The following ATP10B variants were observed in gnomAD, a reference collection of about 807,000 sequenced individuals.
The protein encoded by ATP10B is phospholipid-transporting ATPase VB.
A neutral mutation model predicts 141.2 loss-of-function variants in ATP10B; 122 were observed. That is an observed-to-expected ratio of 0.86 (90% CI 0.75 to 1.00). The LOEUF (loss-of-function observed/expected upper bound fraction) is 1.00. Among genes scored for constraint, ATP10B ranks in the 50% least tolerant of loss-of-function variants. ATP10B has a pLI of 0.00. For synonymous variants in ATP10B, 685 were observed against 692.0 expected, an observed-to-expected ratio of 0.99 and a Z score of 0.16; for missense variants, 1,876 against 1,825.3, an observed-to-expected ratio of 1.03 and a Z score of -0.51.
intron 8 of ATP10B, 27 bp downstream of exon 8, chr5:160,649,144 T>C (rs1173419983): frequency 1.3e-6 from 2 of 1,508,700 alleles, no homozygotes; most frequent in South Asian, 2.3e-5. Context: ...AGATATTTAC[T>C]AGCAGCATGG....
chr5:160,767,250 G>T (rs1012585204), intron 2 of ATP10B, among the ~76,000 whole-genome samples: 18 of 152,138 alleles, frequency 1.2e-4, no homozygotes, highest in African/African-American at 3.9e-4. Context: ...CTTTGAATTT[G>T]TATTTTCCCC....
At chr5:160,596,047 C>A (rs968868904) in intron 22 of ATP10B, among the ~76,000 whole-genome samples, 4 of 151,840 alleles carry the variant, frequency 2.6e-5, no homozygotes, top group African/African-American at 9.7e-5. Flanking sequence ...TTTTATGAGG[C>A]CAGCATCATC....
chr5:160,830,309 A>G (rs144909064), intron 1 of ATP10B, among the ~76,000 whole-genome samples: 163 of 152,222 alleles, frequency 1.1e-3, no homozygotes, highest in African/African-American at 3.7e-3. Context: ...ATATTCCCAA[A>G]TGCACTCGAG....
chr5:160,858,956 T>A, the ATP10B span, among the ~76,000 whole-genome samples: 1 of 152,040 alleles, frequency 6.6e-6, no homozygotes, highest in African/African-American at 2.4e-5. Context: ...TGAAACATAA[T>A]TTAGAAAGTT....
intron 24 of ATP10B, among the ~76,000 whole-genome samples, chr5:160,583,108 G>A (rs186500018): frequency 3.3e-4 from 50 of 152,270 alleles, no homozygotes; most frequent in Admixed American, 4.6e-4. Context: ...TCTCCATCCA[G>A]TTTTGTTCCC....
chr5:160,688,164 C>G (rs781461798), intron 4 of ATP10B, 70 bp from the exon 5 acceptor site: 1 of 1,486,070 alleles, frequency 6.7e-7, no homozygotes, highest in Non-Finnish European at 9.0e-7. Context: ...CATTTCTCCC[C>G]CATCCATGCA....
At chr5:160,590,551 C>A (rs1756219836) in intron 23 of ATP10B, among the ~76,000 whole-genome samples, 1 of 69,556 alleles carries the variant, frequency 1.4e-5, no homozygotes. Flanking sequence ...TTGCTATCTG[C>A]ATTCTTGCTA....
chr5:160,886,271 C>G, the ATP10B span, among the ~76,000 whole-genome samples: 1 of 152,090 alleles, frequency 6.6e-6, no homozygotes, highest in Non-Finnish European at 1.5e-5. Flanking sequence ...GGATTTCAAC[C>G]TTGGGGTTAT....
intron 18 of ATP10B, chr5:160,611,942 G>T (rs561217171): frequency 6.6e-6 from 1 of 152,370 alleles, no homozygotes; most frequent in South Asian, 2.1e-4. Flanking sequence ...CAGCCAAGAA[G>T]ATGTGGTGGA....
chr5:160,900,908 GTTTTTTT>G, the ATP10B span, among the ~76,000 whole-genome samples: 124 of 88,986 alleles, frequency 1.4e-3, no homozygotes, highest in African/African-American at 4.9e-3. Flanking sequence ...GGGTAGAGAA[GTTTTTTT>G]TTTTTTTTTT....
the ATP10B span, among the ~76,000 whole-genome samples, chr5:160,888,508 G>T: frequency 6.6e-6 from 1 of 152,148 alleles, no homozygotes; most frequent in Non-Finnish European, 1.5e-5. Context: ...AGGGTCTGCC[G>T]CTGGTGAAAC....
chr5:160,852,327 T>G (rs1753858168), upstream of ATP10B: 1 of 152,178 alleles, frequency 6.6e-6, no homozygotes, highest in Non-Finnish European at 1.5e-5. Context: ...AATTTCTACT[T>G]CCTGTGAATC....
the ATP10B span, among the ~76,000 whole-genome samples, chr5:160,891,453 T>G: frequency 6.6e-6 from 1 of 152,210 alleles, no homozygotes; most frequent in Non-Finnish European, 1.5e-5. Flanking sequence ...GAAACAGGTT[T>G]TATTTTTTAT....
chr5:160,747,152 A>G (rs1231671098), intron 2 of ATP10B, among the ~76,000 whole-genome samples: 2 of 152,218 alleles, frequency 1.3e-5, no homozygotes, highest in Non-Finnish European at 2.9e-5. Context: ...TATCCAGGGC[A>G]TGTACTCCAG....
the ATP10B span, among the ~76,000 whole-genome samples, chr5:160,904,892 G>A: frequency 6.6e-6 from 1 of 152,228 alleles, no homozygotes; most frequent in Non-Finnish European, 1.5e-5. Flanking sequence ...ACAGCTGGAA[G>A]GGGACAAGGG....
At chr5:160,918,734 A>G in the ATP10B span, among the ~76,000 whole-genome samples, 1 of 152,290 alleles carries the variant, frequency 6.6e-6, no homozygotes, top group South Asian at 2.1e-4. Context: ...ACATCTCAGA[A>G]TGTCCACCAG....
chr5:160,844,328 A>AAGTTGTG (rs1239661893), intron 1 of ATP10B, among the ~76,000 whole-genome samples: 1 of 152,214 alleles, frequency 6.6e-6, no homozygotes, highest in Non-Finnish European at 1.5e-5. Context: ...AAATGTACGT[A>AAGTTGTG]AGTTGTGGTG....
chr5:160,768,306 A>G (rs1769632709), intron 2 of ATP10B, among the ~76,000 whole-genome samples: 1 of 152,218 alleles, frequency 6.6e-6, no homozygotes, highest in Admixed American at 6.5e-5. Flanking sequence ...AAAAGAAACT[A>G]TGATTTAGAC....
chr5:160,814,731 G>T (rs1773464531), intron 1 of ATP10B, among the ~76,000 whole-genome samples: 1 of 152,162 alleles, frequency 6.6e-6, no homozygotes, highest in Non-Finnish European at 1.5e-5. Flanking sequence ...AGGGCAGCCA[G>T]AGAGAAAGGT....
Sources: gnomAD v4.1 joint callset for allele counts (sites outside exome capture counted in the v4.1 genomes callset) on GRCh38, gnomAD v4.1.1 for gene constraint, MANE v1.5 for transcripts, NCBI Gene and HGNC (gene_info 2026-07-23, HGNC 2026-07-21) for gene names.